EMSY: variants seen among roughly 807,000 people sequenced by gnomAD.
The protein encoded by EMSY is EMSY transcriptional repressor, BRCA2 interacting, also known as BRCA2-interacting transcriptional repressor EMSY.
In EMSY, 26 loss-of-function variants were observed where a neutral mutation model predicts 134.6. That is an observed-to-expected ratio of 0.19 (90% CI 0.14 to 0.27). EMSY has a LOEUF of 0.27. Ranked by LOEUF, EMSY falls within the 10% of genes least tolerant of loss-of-function variation. The pLI, the probability that EMSY is intolerant of heterozygous loss-of-function variation, is 1.00. For missense variants in EMSY, 1,305 were observed against 1,611.4 expected (o/e 0.81, Z 3.26); for synonymous variants, 579 against 577.8 (o/e 1.00, Z -0.03).
At chr11:76,484,572 A>G (rs2135553288) in intron 8 of EMSY, among the ~76,000 whole-genome samples, 1 of 152,346 alleles carries the variant, frequency 6.6e-6, no homozygotes, top group Admixed American at 6.5e-5. Flanking sequence ...AGAGAATATT[A>G]CCACTGATCC....
Position 76,545,280 on chromosome 11 carries a change from C to A in EMSY, c.3273+458C>A, listed in dbSNP as rs112322096. 4.7e-3 allele frequency among the ~76,000 whole-genome samples: 709 copies of A among 151,894 alleles called. 4 individuals are homozygous for A. The highest frequency in any genetic ancestry group is 0.014 in the African/African-American group (599 of 41,406). On this transcript the variant is annotated intron_variant, in intron 19 of 20. Transcript: ENST00000334736. ...AGTTAACTTTATTTTTTAGATTTAT[C>A]TTCTAGATTACAGAGGAATTATTGG... is the stretch of plus-strand genomic sequence containing the variant.
intron 7 of EMSY, among the ~76,000 whole-genome samples, chr11:76,470,313 T>C (rs1348548023): frequency 6.6e-6 from 1 of 152,300 alleles, no homozygotes; most frequent in Non-Finnish European, 1.5e-5. Flanking sequence ...CTTTTTTGGG[T>C]TTTACTATAC....
At chr11:76,482,905 C>A (rs1949036309) in intron 8 of EMSY, among the ~76,000 whole-genome samples, 1 of 152,112 alleles carries the variant, frequency 6.6e-6, no homozygotes, top group South Asian at 2.1e-4. Context: ...CAAAGAACAC[C>A]ACAAAGATAC....
intron 9 of EMSY, 30 bp downstream of exon 10, chr11:76,496,499 A>G (rs199504637): frequency 6.2e-7 from 1 of 1,610,184 alleles, no homozygotes; most frequent in East Asian, 2.2e-5. Flanking sequence ...AAGATATGGT[A>G]ATTCTTCTTT....
intron 11 of EMSY, among the ~76,000 whole-genome samples, chr11:76,522,924 G>A (rs1432142866): frequency 6.6e-6 from 1 of 152,074 alleles, no homozygotes; most frequent in Non-Finnish European, 1.5e-5. Context: ...TTGTGTATAG[G>A]TTCTCAGATT....
intron 9 of EMSY, among the ~76,000 whole-genome samples, chr11:76,502,913 C>T (rs74318954): frequency 2.8e-4 from 42 of 152,246 alleles, no homozygotes; most frequent in East Asian, 5.8e-4. Context: ...CAGCAGACTT[C>T]TTCGTAGAAA....
chr11:76,489,851 C>T (rs982317840), intron 8 of EMSY, among the ~76,000 whole-genome samples: 2 of 152,106 alleles, frequency 1.3e-5, no homozygotes, highest in Non-Finnish European at 2.9e-5. Flanking sequence ...GTGATCCATC[C>T]ACCTCGGCCT....
At chr11:76,446,273 A>C (rs1160628277) in intron 1 of EMSY, among the ~76,000 whole-genome samples, 9 of 148,656 alleles carry the variant, frequency 6.1e-5, no homozygotes, top group Non-Finnish European at 1.3e-4. Flanking sequence ...ACAGGATCAA[A>C]ATTCATATTC....
intron 20 of EMSY, among the ~76,000 whole-genome samples, chr11:76,547,539 T>C (rs2136871000): frequency 6.6e-6 from 1 of 152,318 alleles, no homozygotes; most frequent in South Asian, 2.1e-4. Context: ...CAAGGCTACT[T>C]AACGTCATTT....
At chr11:76,465,954 G>A (rs1480137542) in intron 7 of EMSY, among the ~76,000 whole-genome samples, 1 of 152,164 alleles carries the variant, frequency 6.6e-6, no homozygotes, top group Non-Finnish European at 1.5e-5. Context: ...GGACTGGTAG[G>A]ATTGTTCAGA....
chr11:76,502,620 G>T (rs894936644), intron 9 of EMSY, among the ~76,000 whole-genome samples: 1 of 151,190 alleles, frequency 6.6e-6, no homozygotes, highest in Non-Finnish European at 1.5e-5. Flanking sequence ...AAGGTTGCGG[G>T]ATACAAAGTC....
At chr11:76,535,953 G>A (rs775223321) in exon 15 of EMSY, 2 of 1,602,434 alleles carry the variant, frequency 1.2e-6, no homozygotes, top group Non-Finnish European at 1.7e-6. Context: ...CAGAACATGA[G>A]ATTGCAATGG....
Position 76,480,470 on chromosome 11 carries a change from A to G in EMSY, c.1108+7630A>G, listed in dbSNP as rs374369065. Among the ~76,000 whole-genome samples the G allele has an allele frequency of 6.6e-4, 100 of 152,274 alleles. No homozygotes were observed. The South Asian group carries it at 0.02, about 31-fold the overall frequency. ...GATGGCAAGATTTTATTTCTTGATGACTGTTCTCATCTTCCAGTTGAAATT... is the reference window on the plus strand; with the variant it reads ...GATGGCAAGATTTTATTTCTTGATGGCTGTTCTCATCTTCCAGTTGAAATT... On this transcript the variant is annotated intron_variant, in intron 8 of 20. Transcript: ENST00000334736.
At chr11:76,525,734 T>A (rs956713291) in intron 12 of EMSY, among the ~76,000 whole-genome samples, 3 of 152,172 alleles carry the variant, frequency 2.0e-5, no homozygotes, top group African/African-American at 7.2e-5. Flanking sequence ...AGGATATTAG[T>A]AATATATGAA....
At chr11:76,453,819 A>T (rs1039944440) in intron 4 of EMSY, 21 of 152,340 alleles carry the variant, frequency 1.4e-4, no homozygotes, top group African/African-American at 5.1e-4. Context: ...GTATTTTGAG[A>T]TTCAGAAAAA....
At chr11:76,483,262 A>T (rs1013092068) in intron 8 of EMSY, among the ~76,000 whole-genome samples, 78 of 152,352 alleles carry the variant, frequency 5.1e-4, no homozygotes, top group African/African-American at 1.8e-3. Context: ...AGCACTAAAC[A>T]TGGAAAGGAA....
chr11:76,472,588 A>T, exon 8 of EMSY: 1 of 1,614,072 alleles, frequency 6.2e-7, no homozygotes, highest in Non-Finnish European at 8.5e-7. Context: ...CACATCACCA[A>T]GCTCAACCTT....
At chr11:76,463,349 C>T (rs1053768736) in intron 6 of EMSY, among the ~76,000 whole-genome samples, 7 of 150,340 alleles carry the variant, frequency 4.7e-5, no homozygotes, top group South Asian at 2.1e-4. Context: ...GGCAGCCGGG[C>T]GCGGTGGCTC....
At chr11:76,533,147 G>A (rs1951103276) in intron 14 of EMSY, among the ~76,000 whole-genome samples, 1 of 152,084 alleles carries the variant, frequency 6.6e-6, no homozygotes, top group Non-Finnish European at 1.5e-5. Context: ...TCGTAAAAGG[G>A]ATATAGATAT....
Sources: gnomAD v4.1 joint callset for allele counts (sites outside exome capture counted in the v4.1 genomes callset) on GRCh38, gnomAD v4.1.1 for gene constraint, MANE v1.5 for transcripts, NCBI Gene and HGNC (gene_info 2026-07-23, HGNC 2026-07-21) for gene names.